Variants in RASEF observed in about 807,000 individuals in gnomAD.
RASEF encodes ras and EF-hand domain-containing protein.
Under a neutral mutation model 90.1 loss-of-function variants are expected in RASEF, and 68 were observed. The ratio of observed to expected loss-of-function variants is 0.75; its 90% confidence interval spans 0.62 to 0.92. RASEF has a LOEUF of 0.92. Among genes scored for constraint, RASEF ranks in the 40% least tolerant of loss-of-function variants. RASEF has a pLI of 0.00. For synonymous variants in RASEF, 331 were observed against 345.2 expected, an observed-to-expected ratio of 0.96 and a Z score of 0.46; for missense variants, 949 against 937.2, an observed-to-expected ratio of 1.01 and a Z score of -0.16.
chr9:83,090,005 A>G, the RASEF span, among the ~76,000 whole-genome samples: 3 of 152,294 alleles, frequency 2.0e-5, no homozygotes, highest in African/African-American at 7.2e-5. Context: ...TGTCCCACAG[A>G]TGACTGAGGA....
chr9:83,029,169 G>T (rs75386835), intron 1 of RASEF, among the ~76,000 whole-genome samples: 7 of 152,120 alleles, frequency 4.6e-5, no homozygotes, highest in Non-Finnish European at 1.0e-4. Context: ...GCAGAATAAG[G>T]ATTCAAACTC....
chr9:83,166,385 T>C, the RASEF span, among the ~76,000 whole-genome samples: 2 of 152,156 alleles, frequency 1.3e-5, no homozygotes, highest in South Asian at 2.1e-4. Context: ...GAAAGAAGCC[T>C]GTGTCTCCTG....
chr9:83,214,666 T>C, the RASEF span, among the ~76,000 whole-genome samples: 6 of 152,104 alleles, frequency 3.9e-5, no homozygotes, highest in African/African-American at 1.2e-4. Flanking sequence ...GTTCTCCTGA[T>C]AGTGAATAAG....
chr9:83,145,960 A>G, the RASEF span, among the ~76,000 whole-genome samples: 4 of 152,032 alleles, frequency 2.6e-5, no homozygotes, highest in African/African-American at 7.2e-5. Flanking sequence ...AATTTATTTT[A>G]TGGGTCCTCA....
At position 83,005,399 on chromosome 9, in the gene RASEF, A is replaced by G. The variant is rs952917575; in HGVS notation, c.1113+17T>C. ...CACTAGAAAGAATGAAATACATGGT[A>G]AAACTATGTGGCATACCAAAGATCT... On this transcript the variant is annotated intron_variant, in intron 8 of 16. Coordinates refer to ENST00000376447, the MANE Select transcript of RASEF (RefSeq NM_152573.4). 1 of 1,566,548 alleles carries G rather than the reference A, an allele frequency of 6.4e-7. No individual in the cohort carries two copies. Among genetic ancestry groups the G allele is most frequent in the African/African-American group, 1.4e-5 (1 of 73,940 alleles).
intron 14 of RASEF, 133 bp downstream of exon 14, chr9:82,996,879 T>C (rs890441843): frequency 3.2e-6 from 2 of 620,624 alleles, no homozygotes; most frequent in East Asian, 5.6e-5. Context: ...GCCTGTAGCA[T>C]CCAATTCTTC....
chr9:82,983,107 C>CCACA (rs10539196), intron 16 of RASEF, among the ~76,000 whole-genome samples: 7,649 of 128,488 alleles, frequency 0.06, 263 homozygotes, highest in African/African-American at 0.075. Context: ...GAGTACCAGG[C>CCACA]CACACACACA....
chr9:83,150,308 C>G, the RASEF span, among the ~76,000 whole-genome samples: 2 of 152,068 alleles, frequency 1.3e-5, no homozygotes, highest in Non-Finnish European at 2.9e-5. Context: ...AGATTGATTA[C>G]CTGGAGGTTG....
intron 4 of RASEF, among the ~76,000 whole-genome samples, chr9:83,013,133 T>C (rs74647262): frequency 6.6e-6 from 1 of 152,198 alleles, no homozygotes; most frequent in South Asian, 2.1e-4. Context: ...GGTTGACTCA[T>C]TTCTATTGCA....
intron 1 of RASEF, among the ~76,000 whole-genome samples, chr9:83,058,802 T>C (rs934323441): frequency 6.6e-6 from 1 of 152,186 alleles, no homozygotes; most frequent in Non-Finnish European, 1.5e-5. Flanking sequence ...AATTCACATA[T>C]GGAAAGTTTT....
chr9:83,034,990 G>A (rs1829714139), intron 1 of RASEF, among the ~76,000 whole-genome samples: 1 of 152,106 alleles, frequency 6.6e-6, no homozygotes, highest in South Asian at 2.1e-4. Flanking sequence ...GAAGTAGATG[G>A]TTGTCTCCTG....
At chr9:83,161,107 C>T in the RASEF span, among the ~76,000 whole-genome samples, 2 of 152,202 alleles carry the variant, frequency 1.3e-5, no homozygotes, top group Non-Finnish European at 1.5e-5. Context: ...GAGCCCCCCC[C>T]ACAGAGTCCC....
the RASEF span, among the ~76,000 whole-genome samples, chr9:83,177,766 T>C: frequency 1.3e-5 from 2 of 152,136 alleles, no homozygotes; most frequent in Non-Finnish European, 2.9e-5. Flanking sequence ...GTTGAGCTTC[T>C]TGGATATGAG....
chr9:83,105,780 A>G, the RASEF span, among the ~76,000 whole-genome samples: 1 of 152,256 alleles, frequency 6.6e-6, no homozygotes, highest in East Asian at 1.9e-4. Flanking sequence ...ATGCTAAGAC[A>G]TAAAAGCTGA....
intron 1 of RASEF, among the ~76,000 whole-genome samples, chr9:83,033,023 T>C (rs918604321): frequency 2.6e-5 from 4 of 152,176 alleles, no homozygotes; most frequent in Admixed American, 2.6e-4. Context: ...TTAGGAAAAC[T>C]GGCCTTTAGA....
At chr9:83,141,346 G>A in the RASEF span, among the ~76,000 whole-genome samples, 2 of 151,894 alleles carry the variant, frequency 1.3e-5, no homozygotes, top group East Asian at 3.9e-4. Flanking sequence ...AAGATTACAA[G>A]ATAAAAAGAG....
chr9:83,122,025 G>GGT, the RASEF span, among the ~76,000 whole-genome samples: 3 of 152,150 alleles, frequency 2.0e-5, no homozygotes, highest in Non-Finnish European at 4.4e-5. Flanking sequence ...CAGTATTTAG[G>GGT]AAGTGCCATG....
chr9:83,164,242 A>G, the RASEF span, among the ~76,000 whole-genome samples: 12 of 150,562 alleles, frequency 8.0e-5, no homozygotes, highest in Admixed American at 1.3e-4. Context: ...AATGAAGATA[A>G]AATAAAATTT....
At chr9:83,148,209 GT>G in the RASEF span, among the ~76,000 whole-genome samples, 2 of 152,118 alleles carry the variant, frequency 1.3e-5, no homozygotes, top group South Asian at 2.1e-4. Flanking sequence ...ATCATAAAGT[GT>G]TTTTTACCTG....
Sources: gnomAD v4.1 joint callset for allele counts (sites outside exome capture counted in the v4.1 genomes callset) on GRCh38, gnomAD v4.1.1 for gene constraint, MANE v1.5 for transcripts, NCBI Gene and HGNC (gene_info 2026-07-23, HGNC 2026-07-21) for gene names.